GABRA2: variants seen among roughly 807,000 people sequenced by gnomAD.
GABRA2 encodes gamma-aminobutyric acid type A receptor subunit alpha2, also known as gamma-aminobutyric acid receptor subunit alpha-2.
Under a neutral mutation model 48.7 loss-of-function variants are expected in GABRA2, and 16 were observed. The observed-to-expected ratio is 0.33, with a 90% confidence interval of 0.22 to 0.50. GABRA2 has a LOEUF of 0.50. GABRA2 is among the 20% of genes least tolerant of loss of function. The pLI, the probability that GABRA2 is intolerant of heterozygous loss-of-function variation, is 0.98. For synonymous variants in GABRA2, 185 were observed against 184.5 expected (o/e 1.00, Z -0.02); for missense variants, 275 against 535.6 (o/e 0.51, Z 4.80).
Position 46,262,007 on chromosome 4 carries a change from A to C in GABRA2, c.978T>G (p.Ser326=). The C allele has an allele frequency of 6.2e-7, 1 of 1,613,894 alleles. No homozygotes were observed. Among genetic ancestry groups the C allele is most frequent in the Non-Finnish European group, 8.5e-7 (1 of 1,179,870 alleles). The stretch of plus-strand genomic sequence containing the variant: ...TAACAGTTGCAAATTCAATTAGGGC[A>C]GAGAACACAAATGCATAACAAACAG... ...FIAVCYAFVF[S]ALIEFATVNY... The change falls in exon 9 of 10, where the codon TCT becomes TCG. Residue 326 remains serine (S), a synonymous_variant. Coordinates refer to ENST00000381620, the MANE Select transcript of GABRA2 (RefSeq NM_000807.4).
intron 4 of GABRA2, among the ~76,000 whole-genome samples, chr4:46,322,957 AC>A (rs1729708176): frequency 6.6e-6 from 1 of 151,788 alleles, no homozygotes. Context: ...TAAACTAATC[AC>A]CAATATACTT....
chr4:46,387,659 AT>A (rs1425102348), intron 2 of GABRA2, among the ~76,000 whole-genome samples: 1 of 152,150 alleles, frequency 6.6e-6, no homozygotes, highest in Non-Finnish European at 1.5e-5. Flanking sequence ...TCAAATCAAT[AT>A]GTAGTCATTA....
At chr4:46,320,558 A>T (rs1424884481) in intron 4 of GABRA2, among the ~76,000 whole-genome samples, 1 of 151,962 alleles carries the variant, frequency 6.6e-6, no homozygotes, top group Non-Finnish European at 1.5e-5. Flanking sequence ...TAATATCCAA[A>T]ATACATAAGG....
chr4:46,321,779 C>T (rs554061938), intron 4 of GABRA2, among the ~76,000 whole-genome samples: 1 of 152,106 alleles, frequency 6.6e-6, no homozygotes, highest in African/African-American at 2.4e-5. Context: ...AAATCATCTT[C>T]AAAAGATCCT....
chr4:46,296,632 A>G (rs1317381345), intron 8 of GABRA2, among the ~76,000 whole-genome samples: 1 of 137,096 alleles, frequency 7.3e-6, no homozygotes, highest in Non-Finnish European at 1.5e-5. Flanking sequence ...TCAGGAATGA[A>G]GGTTTGGATT....
chr4:46,377,665 G>A (rs1322533666), intron 3 of GABRA2, among the ~76,000 whole-genome samples: 6 of 143,438 alleles, frequency 4.2e-5, no homozygotes, highest in Admixed American at 2.1e-4. Context: ...GCCTCTGCCC[G>A]GCCGCCCCTA....
rs1713317941 is a variant in GABRA2, at chr4:46,244,379, CAATAAT to C, written c.*5923_*5928del. Among the ~76,000 whole-genome samples, 1 of 151,552 alleles carries C rather than the reference CAATAAT, an allele frequency of 6.6e-6. No homozygotes were observed. The highest frequency in any genetic ancestry group is 2.1e-4 in the South Asian group (1 of 4,828). ...TTTGTTGGAAATATTCATGTATAGC[CAATAAT>C]ACAGTTTATATAGCCAATGCAACAT... On this transcript the variant is annotated 3_prime_UTR_variant, in exon 10 of 10. Transcript: ENST00000381620.
At chr4:46,282,951 G>C (rs766309986) in intron 8 of GABRA2, among the ~76,000 whole-genome samples, 2 of 152,164 alleles carry the variant, frequency 1.3e-5, no homozygotes, top group Non-Finnish European at 2.9e-5. Context: ...CTAAGGTACA[G>C]AGGGGTTAAG....
chr4:46,386,728 T>C (rs1560615877), intron 2 of GABRA2: 1 of 154,008 alleles, frequency 6.5e-6, no homozygotes, highest in Non-Finnish European at 1.4e-5. Flanking sequence ...CTCCACCCAA[T>C]GGCCAAGTGC....
intron 3 of GABRA2, among the ~76,000 whole-genome samples, chr4:46,350,494 T>C (rs1734939688): frequency 1.3e-5 from 2 of 151,982 alleles, no homozygotes; most frequent in South Asian, 4.1e-4. Context: ...TATATTTGTA[T>C]ATATATACAC....
intron 8 of GABRA2, among the ~76,000 whole-genome samples, chr4:46,287,990 A>G (rs1722882697): frequency 6.6e-6 from 1 of 152,146 alleles, no homozygotes; most frequent in South Asian, 2.1e-4. Context: ...GTAGGCAAAG[A>G]GAGAGCTTAT....
intron 1 of GABRA2, chr4:46,389,313 A>G: frequency 3.0e-6 from 3 of 985,272 alleles, no homozygotes; most frequent in Non-Finnish European, 3.6e-6. Flanking sequence ...CTGCCCACCC[A>G]CGGTTGCCCA....
At chr4:46,305,784 T>C in intron 6 of GABRA2, 73 bp from the exon 7 acceptor site, 1 of 1,093,046 alleles carries the variant, frequency 9.1e-7, no homozygotes, top group East Asian at 2.4e-5. Context: ...CGAACGGTTG[T>C]GTATTTCATA....
chr4:46,328,224 C>A (rs563161534), intron 4 of GABRA2, among the ~76,000 whole-genome samples: 1 of 151,796 alleles, frequency 6.6e-6, no homozygotes, highest in Admixed American at 6.6e-5. Context: ...TTTAGATCTA[C>A]AACATTTTTG....
chr4:46,301,782 C>T (rs1358944193), intron 8 of GABRA2, among the ~76,000 whole-genome samples: 1 of 152,106 alleles, frequency 6.6e-6, no homozygotes, highest in Non-Finnish European at 1.5e-5. Context: ...TGGTGCCATC[C>T]CCTATACCAA....
chr4:46,255,140 T>G (rs923882991), intron 9 of GABRA2, among the ~76,000 whole-genome samples: 3 of 151,628 alleles, frequency 2.0e-5, no homozygotes, highest in African/African-American at 7.3e-5. Flanking sequence ...GTAAGCTCTT[T>G]GAAGGCACAG....
Position 46,275,620 on chromosome 4 carries a change from G to A in GABRA2, c.857-13492C>T, listed in dbSNP as rs1720335659. On this transcript the variant is annotated intron_variant, in intron 8 of 9. Transcript: ENST00000381620. ...TGAAAAGCAGACAATAAAATAGCAG[G>A]AGACCATCAAAAACCTTAACCTATA... is the stretch of plus-strand genomic sequence containing the variant. Among the ~76,000 whole-genome samples the A allele has an allele frequency of 2.0e-5, 3 of 152,048 alleles. No homozygotes were observed. The South Asian group carries it at 6.2e-4, about 32-fold the overall frequency.
At chr4:46,286,202 AT>A (rs1458856489) in intron 8 of GABRA2, among the ~76,000 whole-genome samples, 4 of 152,196 alleles carry the variant, frequency 2.6e-5, no homozygotes, top group African/African-American at 9.6e-5. Context: ...GAATCATATA[AT>A]TTATGACCAT....
rs1005699364 is a variant in GABRA2, at chr4:46,305,638, A to G, written c.633T>C (p.Asp211=). 1 of 1,613,732 alleles carries G rather than the reference A, an allele frequency of 6.2e-7. No homozygotes were observed. ...NASDSVQVAP[D]GSRLNQYDLL... is the part of the protein sequence containing the mutation. Reference sequence around the variant, plus strand: ...GGTCATATTGATTTAACCTAGAGCCATCAGGAGCAACCTGTACTGAATCAG... The same window carrying G: ...GGTCATATTGATTTAACCTAGAGCCGTCAGGAGCAACCTGTACTGAATCAG... Residue 211 remains aspartate (D), a synonymous_variant, in exon 7 of 10, where the codon GAT becomes GAC. Coordinates refer to ENST00000381620, the MANE Select transcript of GABRA2 (RefSeq NM_000807.4).
Sources: gnomAD v4.1 joint callset for allele counts (sites outside exome capture counted in the v4.1 genomes callset) on GRCh38, gnomAD v4.1.1 for gene constraint, MANE v1.5 for transcripts, NCBI Gene and HGNC (gene_info 2026-07-23, HGNC 2026-07-21) for gene names.